C1RL: variants seen among roughly 807,000 people sequenced by gnomAD.
The protein encoded by C1RL is complement C1r subcomponent like.
In C1RL, 27 loss-of-function variants were observed where a neutral mutation model predicts 27.9. That is an observed-to-expected ratio of 0.97 (90% confidence interval 0.71 to 1.33). The LOEUF (loss-of-function observed/expected upper bound fraction) is 1.33. Ranked by LOEUF, C1RL falls within the 40% of genes most tolerant of loss-of-function variation. The pLI, the probability that C1RL is intolerant of heterozygous loss-of-function variation, is 0.00. For synonymous variants in C1RL, 248 were observed against 252.1 expected, an observed-to-expected ratio of 0.98 and a Z score of 0.15; for missense variants, 563 against 623.9, an observed-to-expected ratio of 0.90 and a Z score of 1.04.
chr12:7,094,756 A>G lies in C1RL; in HGVS notation c.*1635T>C. On this transcript the variant is annotated 3_prime_UTR_variant, in exon 6 of 6. Transcript: ENST00000266542. Reference sequence around the variant, plus strand: ...AGTATTTTGAGAGAATTATTATTATATTTTTGGCGATGGGGTTTCACTATG... The same window carrying G: ...AGTATTTTGAGAGAATTATTATTATGTTTTTGGCGATGGGGTTTCACTATG... 1 of 967,354 alleles carries G rather than the reference A, an allele frequency of 1.0e-6. No individual in the cohort carries two copies. Among genetic ancestry groups the G allele is most frequent in the Non-Finnish European group, 1.2e-6 (1 of 813,712 alleles). The allele number at this position is 967,354 out of a possible 1,614,324, so 59.9% of individuals were successfully genotyped here. A position where few individuals can be genotyped will look rare whatever the true frequency, so the allele number is the denominator to read the frequency against.
intron 1 of C1RL, chr12:7,108,687 T>G (rs1252263461): frequency 1.7e-6 from 1 of 574,574 alleles, no homozygotes; most frequent in African/African-American, 1.9e-5. Context: ...CCGCGCAGCC[T>G]GAGCTCTAGG....
At chr12:7,106,722 C>G (rs187151419) in intron 2 of C1RL, among the ~76,000 whole-genome samples, 1 of 152,076 alleles carries the variant, frequency 6.6e-6, no homozygotes, top group African/African-American at 2.4e-5. Context: ...AACAAACACC[C>G]CCCACCAAAA....
chr12:7,098,058 G>A lies in C1RL; in HGVS notation c.692-895C>T, dbSNP rs765583860. 3.9e-5 allele frequency among the ~76,000 whole-genome samples: 6 copies of A among 152,170 alleles called. No individual in the cohort carries two copies. In the East Asian group the frequency reaches 1.2e-3, roughly 29 times the overall value. On this transcript the variant is annotated intron_variant, in intron 5 of 5. Coordinates refer to ENST00000266542, the MANE Select transcript of C1RL (RefSeq NM_016546.4). The stretch of plus-strand genomic sequence containing the variant: ...CGAGATGGGCGGATCACGAGGTCAG[G>A]AGATCGAGACCATCCTGGCTAACCC...
intron 3 of C1RL, 143 bp downstream of exon 3, chr12:7,101,755 A>G: frequency 1.2e-6 from 1 of 828,114 alleles, no homozygotes; most frequent in Admixed American, 2.1e-5. Context: ...GCTTGCCAGC[A>G]GGGGCAGGGC....
Position 7,099,998 on chromosome 12 carries a change from C to G in C1RL, c.519G>C (p.Glu173Asp), listed in dbSNP as rs772913342. Residue 173 changes from glutamate to aspartate, a missense_variant, in exon 4 of 6, where the codon GAG becomes GAC. By Grantham distance (45) the Glu-to-Asp change is conservative. Coordinates refer to ENST00000266542, the MANE Select transcript of C1RL (RefSeq NM_016546.4). ...TGATGGCCTCAGAGCCCCTGCTGGC[C>G]TCGCTGATGGGCTGACTATAGTTCA... ...VAVNYSQPISEASRGSEAINA... is the reference protein window; with the variant it reads ...VAVNYSQPISDASRGSEAINA... 1 of 1,613,434 alleles carries G rather than the reference C, an allele frequency of 6.2e-7. No homozygotes were observed. The highest frequency in any genetic ancestry group is 8.5e-7 in the Non-Finnish European group (1 of 1,179,834).
intron 3 of C1RL, 44 bp from the exon 4 acceptor site, chr12:7,100,070 C>G: frequency 1.3e-6 from 2 of 1,568,830 alleles, no homozygotes; most frequent in Non-Finnish European, 1.7e-6. Flanking sequence ...AACTGGCAAC[C>G]CAGGGGCTGA....
Position 7,108,266 on chromosome 12 carries a change from T to C in C1RL, c.285A>G (p.Ala95=). Residue 95 remains alanine, a synonymous_variant, in exon 2 of 6, where the codon GCA becomes GCG. Transcript: ENST00000266542. ...DFDLEPSQDC[A]GDSVTISFVG... Reference sequence around the variant, plus strand: ...CCCAGCTCACTGTGACAGAGTCCCCTGCACAGTCCTGGGACGGCTCCAGGT... The same window carrying C: ...CCCAGCTCACTGTGACAGAGTCCCCCGCACAGTCCTGGGACGGCTCCAGGT... The C allele has an allele frequency of 2.5e-6, 4 of 1,612,432 alleles. No homozygotes were observed. The highest frequency in any genetic ancestry group is 1.7e-5 in the Admixed American group (1 of 59,880).
In C1RL at chr12:7,104,465, G is replaced by A. The variant is rs1163452660; in HGVS notation, c.301-2378C>T. On this transcript the variant is annotated intron_variant, in intron 2 of 5. Transcript: ENST00000266542. This position sits in a 1 kb window ranked among gnomAD's most constrained non-coding sequence, Gnocchi z 5.4. ...GCCCCGTGTCCGGGGCCACTCTCTGGGTGAAGTCTGCACATTCTTCCCATG... is the reference window on the plus strand; with the variant it reads ...GCCCCGTGTCCGGGGCCACTCTCTGAGTGAAGTCTGCACATTCTTCCCATG... Among the ~76,000 whole-genome samples, 1 of 152,184 alleles carries A rather than the reference G, an allele frequency of 6.6e-6. No homozygotes were observed. The highest frequency in any genetic ancestry group is 2.4e-5 in the African/African-American group (1 of 41,450).
In C1RL at chr12:7,101,973, A is replaced by G. The variant is rs1298179103; in HGVS notation, c.415T>C (p.Phe139Leu). The change falls in exon 3 of 6, where the codon TTC becomes CTC. Residue 139 changes from phenylalanine to leucine, a missense_variant. Physicochemically the swap from Phe to Leu is conservative, Grantham distance 22. Transcript: ENST00000266542. Reference sequence around the variant, plus strand: ...TTCTCCGAGGAAGGCTGTGTGCGGAAGGTCAGCCGCAAACTCCTCCCTGAG... The same window carrying G: ...TTCTCCGAGGAAGGCTGTGTGCGGAGGGTCAGCCGCAAACTCCTCCCTGAG... ...VSSGRSLRLTFRTQPSSENKT... is the reference protein window; with the variant it reads ...VSSGRSLRLTLRTQPSSENKT... 1 of 1,614,242 alleles carries G rather than the reference A, an allele frequency of 6.2e-7. No individual in the cohort carries two copies. Among genetic ancestry groups the G allele is most frequent in the Non-Finnish European group, 8.5e-7 (1 of 1,180,034 alleles).
In C1RL at chr12:7,101,901, C is replaced by T. The variant is rs374288898; in HGVS notation, c.487G>A (p.Val163Met). 4.9e-5 allele frequency: 79 copies of T among 1,613,966 alleles called. No individual in the cohort carries two copies. The highest frequency in any genetic ancestry group is 5.8e-5 in the Non-Finnish European group (68 of 1,179,980). ...CACCCCCAGGAGGGACACTCACCCA[C>T]GGTTTGGTAGAGGGCCAGGAAGCCC... ...HKGFLALYQT[V>M]AVNYSQPISE... Residue 163 changes from valine (V) to methionine (M), a missense_variant, in exon 3 of 6, where the codon GTG becomes ATG. Physicochemically the swap from Val to Met is conservative, Grantham distance 21. Transcript: ENST00000266542.
Position 7,096,282 on chromosome 12 carries a change from C to CT in C1RL, c.*108_*109insA. 1.1e-6 allele frequency: 1 copy of CT among 895,546 alleles called. No homozygotes were observed. The highest frequency in any genetic ancestry group is 1.4e-6 in the Non-Finnish European group (1 of 702,158). The allele number at this position is 895,546 out of a possible 1,614,324, so 55.5% of individuals were successfully genotyped here. A position where few individuals can be genotyped will look rare whatever the true frequency, so the allele number is the denominator to read the frequency against. On this transcript the variant is annotated 3_prime_UTR_variant, in exon 6 of 6. Coordinates refer to ENST00000266542, the MANE Select transcript of C1RL (RefSeq NM_016546.4). Reference sequence around the variant, plus strand: ...GATGTGAATAGGATTTCCCTGCCTCCCCCAACCCCCCACCCCCAACCCCTA... The same window carrying CT: ...GATGTGAATAGGATTTCCCTGCCTCCTCCCAACCCCCCACCCCCAACCCCTA...
Position 7,096,566 on chromosome 12 carries a change from C to CT in C1RL, c.1288dup (p.Ser430LysfsTer38). On this transcript the variant is annotated frameshift_variant, in exon 6 of 6. Transcript: ENST00000266542. LOFTEE classifies it high-confidence loss of function. ...GCTGCCACTGTCCCCCTGGCAGACA[C>CT]TGTGCCTTTGCGTCTCATCCCCAAC... 1 of 1,614,186 alleles carries CT rather than the reference C, an allele frequency of 6.2e-7. No homozygotes were observed. The highest frequency in any genetic ancestry group is 1.1e-5 in the South Asian group (1 of 91,086).
intron 2 of C1RL, among the ~76,000 whole-genome samples, chr12:7,107,808 G>A (rs141388281): frequency 6.6e-6 from 1 of 152,328 alleles, no homozygotes; most frequent in African/African-American, 2.4e-5. Context: ...AGGCTTTGGC[G>A]TTAGAAGTTT....
chr12:7,094,967 A>AT lies in C1RL; in HGVS notation c.*1423dup. 1.8e-6 allele frequency: 2 copies of AT among 1,106,994 alleles called. No individual in the cohort carries two copies. Among genetic ancestry groups the AT allele is most frequent in the Non-Finnish European group, 2.2e-6 (2 of 900,172 alleles). 68.6% of individuals were successfully genotyped at this position (1,106,994 alleles called of 1,614,324 possible). A position where few individuals can be genotyped will look rare whatever the true frequency, so the allele number is the denominator to read the frequency against. On this transcript the variant is annotated 3_prime_UTR_variant, in exon 6 of 6. Transcript: ENST00000266542. ...TGTATGTACAACTTTGAATCCTGCC[A>AT]TTTTTTAGAGATAAATTTAACCTTT... is the stretch of plus-strand genomic sequence containing the variant.
rs1938395271 is a variant in C1RL, at chr12:7,095,273, G to A, written c.*1118C>T. On this transcript the variant is annotated 3_prime_UTR_variant, in exon 6 of 6. Coordinates refer to ENST00000266542, the MANE Select transcript of C1RL (RefSeq NM_016546.4). ...TGGGACTACAGGCACGTGTCACCAC[G>A]CCCGGCTAATTTTTGTATTTTTAGT... 10 of 755,348 alleles carry A rather than the reference G, an allele frequency of 1.3e-5. No individual in the cohort carries two copies. The highest frequency in any genetic ancestry group is 4.8e-5 in the South Asian group (2 of 41,892). The allele number at this position is 755,348 out of a possible 1,614,324, so 46.8% of individuals were successfully genotyped here.
intron 3 of C1RL, among the ~76,000 whole-genome samples, chr12:7,101,057 TG>T (rs1280583183): frequency 2.9e-5 from 4 of 139,260 alleles, no homozygotes; most frequent in African/African-American, 1.1e-4. Context: ...TATTTTATCA[TG>T]TGCACCCTTC....
chr12:7,109,000 G>C, intron 1 of C1RL, 110 bp downstream of exon 1: 2 of 366,220 alleles, frequency 5.5e-6, no homozygotes, highest in East Asian at 5.9e-5. Context: ...GGGGGGGGGG[G>C]GATGTGTGTG....
At chr12:7,097,304 T>C (rs1419947939) in intron 5 of C1RL, 141 bp from the exon 6 acceptor site, 5 of 735,096 alleles carry the variant, frequency 6.8e-6, no homozygotes, top group East Asian at 5.9e-5. Context: ...TTTTTTGATA[T>C]CGAGTTTCGC....
At chr12:7,101,817 C>T in intron 3 of C1RL, 81 bp downstream of exon 3, 1 of 1,452,226 alleles carries the variant, frequency 6.9e-7, no homozygotes, top group Non-Finnish European at 9.6e-7. Context: ...GTCACTCAAG[C>T]TTCCACTTAA....
Sources: gnomAD v4.1 joint callset for allele counts (sites outside exome capture counted in the v4.1 genomes callset) on GRCh38, gnomAD v4.1.1 for gene constraint, Gnocchi (gnomAD v3.1) non-coding constraint, MANE v1.5 for transcripts, NCBI Gene and HGNC (gene_info 2026-07-23, HGNC 2026-07-21) for gene names.